Variants in MET observed in about 807,000 individuals in gnomAD.
MET encodes the protein hepatocyte growth factor receptor.
MET carries 48 observed loss-of-function variants against 133.1 expected under a neutral mutation model. That is an observed-to-expected ratio of 0.36 (90% CI 0.29 to 0.46). The LOEUF is 0.46. MET is among the 20% of genes least tolerant of loss of function. The pLI is 1.00. For missense variants in MET, 1,442 were observed against 1,695.9 expected, an observed-to-expected ratio of 0.85 and a Z score of 2.63; for synonymous variants, 628 against 616.5, an observed-to-expected ratio of 1.02 and a Z score of -0.28.
At chr7:116,790,824 C>T (rs1206941415) in intron 19 of MET, among the ~76,000 whole-genome samples, 1 of 152,198 alleles carries the variant, frequency 6.6e-6, no homozygotes, top group Non-Finnish European at 1.5e-5. Context: ...CGCCTGTAAT[C>T]CCAGCACTTT....
At chr7:116,690,282 G>GTATA (rs1796733756) in intron 1 of MET, among the ~76,000 whole-genome samples, 1 of 152,064 alleles carries the variant, frequency 6.6e-6, no homozygotes, top group Non-Finnish European at 1.5e-5. Flanking sequence ...CCCATGAGAT[G>GTATA]TATATCATTA....
chr7:116,730,699 T>C (rs891523396), intron 2 of MET, among the ~76,000 whole-genome samples: 2 of 152,114 alleles, frequency 1.3e-5, no homozygotes, highest in Admixed American at 1.3e-4. Context: ...GAATTGGAGA[T>C]GACACTTAGA....
intron 17 of MET, among the ~76,000 whole-genome samples, chr7:116,781,706 T>C (rs1795159136): frequency 6.6e-6 from 1 of 152,126 alleles, no homozygotes; most frequent in Non-Finnish European, 1.5e-5. Flanking sequence ...CAGCTGGGAC[T>C]ATAGGTGCAC....
At chr7:116,771,772 T>C in intron 13 of MET, 77 bp from the exon 14 acceptor site, 1 of 1,610,408 alleles carries the variant, frequency 6.2e-7, no homozygotes, top group Non-Finnish European at 8.5e-7. Flanking sequence ...ACCCATGAGT[T>C]CTGGGCACTG....
chr7:116,741,329 A>T (rs1793446633), intron 5 of MET, among the ~76,000 whole-genome samples: 1 of 152,100 alleles, frequency 6.6e-6, no homozygotes, highest in African/African-American at 2.4e-5. Flanking sequence ...CCGTGTGAAT[A>T]AAAGAGTGGT....
intron 2 of MET, among the ~76,000 whole-genome samples, chr7:116,726,169 A>ACACACACACAC (rs1562900114): frequency 6.5e-5 from 8 of 122,564 alleles, no homozygotes; most frequent in African/African-American, 9.2e-5. Context: ...ATATATATAT[A>ACACACACACAC]TATATATATG....
chr7:116,787,055 A>C (rs1562937647), intron 19 of MET, among the ~76,000 whole-genome samples: 1 of 152,178 alleles, frequency 6.6e-6, no homozygotes, highest in Admixed American at 6.5e-5. Flanking sequence ...TCAATGAGTA[A>C]GTAGGTCATA....
chr7:116,735,075 G>T lies in MET; in HGVS notation c.1392+3216G>T, dbSNP rs146334012. ...AGAGGGGGTGGGGAGGCCCTTTCAAGAATTGTTTCAAGTTCAGCTCCACAA... is the reference window on the plus strand; with the variant it reads ...AGAGGGGGTGGGGAGGCCCTTTCAATAATTGTTTCAAGTTCAGCTCCACAA... On this transcript the variant is annotated intron_variant, in intron 3 of 20. Coordinates refer to ENST00000397752, the MANE Select transcript of MET (RefSeq NM_000245.4). Among the ~76,000 whole-genome samples the T allele has an allele frequency of 3.2e-3, 481 of 152,272 alleles. 3 individuals are homozygous for T. The highest frequency in any genetic ancestry group is 0.011 in the African/African-American group (449 of 41,554).
At chr7:116,747,780 T>C (rs1160517226) in intron 5 of MET, among the ~76,000 whole-genome samples, 1 of 152,198 alleles carries the variant, frequency 6.6e-6, no homozygotes, top group African/African-American at 2.4e-5. Context: ...GCAGACCTAA[T>C]AGACATCTAC....
intron 2 of MET, among the ~76,000 whole-genome samples, chr7:116,705,258 T>C (rs370267876): frequency 2.6e-5 from 4 of 152,160 alleles, no homozygotes; most frequent in African/African-American, 9.6e-5. Flanking sequence ...AGGACCGTTA[T>C]TGATCTGTCA....
rs1243543318 is a variant in MET at position 116,796,124 on chromosome 7, G to A, written c.4173G>A (p.Ter1391=). The change falls in exon 21 of 21, where the codon TAG becomes TAA. Residue 1391 remains the stop codon, a stop_retained_variant. Coordinates refer to ENST00000397752, the MANE Select transcript of MET (RefSeq NM_000245.4). ...TRPASFWETS[*] The stretch of plus-strand genomic sequence containing the variant: ...CAGCCTCCTTCTGGGAGACATCATA[G>A]TGCTAGTACTATGTCAAAGCAACAG... 6.2e-7 allele frequency: 1 copy of A among 1,613,100 alleles called. No individual in the cohort carries two copies. Among genetic ancestry groups the A allele is most frequent in the Non-Finnish European group, 8.5e-7 (1 of 1,179,310 alleles).
At chr7:116,762,936 A>G in intron 10 of MET, 114 bp from the exon 11 acceptor site, 1 of 898,894 alleles carries the variant, frequency 1.1e-6, no homozygotes, top group South Asian at 1.4e-5. Flanking sequence ...AGTTAAATAC[A>G]GATTTTTTCA....
rs370237186 is a variant in MET at position 116,759,360 on chromosome 7, A to G, written c.2265-31A>G. On this transcript the variant is annotated intron_variant, in intron 9 of 20. Coordinates refer to ENST00000397752, the MANE Select transcript of MET (RefSeq NM_000245.4). Reference sequence around the variant, plus strand: ...AGTACTTGGTGGAAAGAACCTCTCAACATTGTCAGTTTTCTATTTTGCTTT... The same window carrying G: ...AGTACTTGGTGGAAAGAACCTCTCAGCATTGTCAGTTTTCTATTTTGCTTT... 2 of 1,605,966 alleles carry G rather than the reference A, an allele frequency of 1.2e-6. No individual in the cohort carries two copies. The highest frequency in any genetic ancestry group is 1.7e-6 in the Non-Finnish European group (2 of 1,175,832).
In MET at chr7:116,757,661, G is replaced by C. The variant is rs201180585; in HGVS notation, c.1989G>C (p.Ser663=). The C allele has an allele frequency of 6.2e-7, 1 of 1,613,778 alleles. No individual in the cohort carries two copies. The highest frequency in any genetic ancestry group is 2.2e-5 in the East Asian group (1 of 44,848). The part of the protein sequence containing the change: ...SYVDPVITSI[S]PKYGPMAGGT... ...AGGATCCTGTAATAACAAGTATTTC[G>C]CCGAAATACGGTCCTATGGCTGGTG... is the stretch of plus-strand genomic sequence containing the variant. The change falls in exon 8 of 21, where the codon TCG becomes TCC. Residue 663 remains serine, a synonymous_variant. Coordinates refer to ENST00000397752, the MANE Select transcript of MET (RefSeq NM_000245.4).
At position 116,769,593 on chromosome 7, in the gene MET, TC is replaced by T; in HGVS notation, c.2584-50del. The T allele has an allele frequency of 2.5e-6, 4 of 1,602,254 alleles. No homozygotes were observed. In the South Asian group the frequency reaches 4.4e-5, roughly 18 times the overall value. ...TATATTCCTTTGCCATTGTTAGCAT[TC>T]CTGCAGAACTGTGAAGTGTTAACAA... On this transcript the variant is annotated intron_variant, in intron 11 of 20. Transcript: ENST00000397752.
intron 2 of MET, among the ~76,000 whole-genome samples, chr7:116,720,446 C>T (rs902539970): frequency 1.4e-5 from 2 of 143,510 alleles, no homozygotes; most frequent in Non-Finnish European, 3.0e-5. Flanking sequence ...GACAATTTGA[C>T]TTCCACTTTT....
At chr7:116,758,361 G>A (rs1425173302) in intron 8 of MET, 98 bp from the exon 9 acceptor site, 4 of 1,276,540 alleles carry the variant, frequency 3.1e-6, no homozygotes, top group African/African-American at 3.0e-5. Flanking sequence ...TTCCCACTTA[G>A]GAACCATTGA....
In MET at chr7:116,795,934, C is replaced by T. The variant is rs755043272; in HGVS notation, c.3983C>T (p.Pro1328Leu). The change falls in exon 21 of 21, where the codon CCA becomes CTA. Residue 1328 changes from proline to leucine, a missense_variant. Transcript: ENST00000397752. ...KCWHPKAEMR[P>L]SFSELVSRIS... ...TGGCACCCTAAAGCCGAAATGCGCC[C>T]ATCCTTTTCTGAACTGGTGTCCCGG... 2.5e-6 allele frequency: 4 copies of T among 1,614,176 alleles called. No individual in the cohort carries two copies. In the South Asian group the frequency reaches 3.3e-5, roughly 13 times the overall value.
intron 11 of MET, among the ~76,000 whole-genome samples, chr7:116,769,255 C>A (rs1794746358): frequency 6.6e-6 from 1 of 152,192 alleles, no homozygotes; most frequent in South Asian, 2.1e-4. Flanking sequence ...AGAATCTCTG[C>A]ATTGGGCAGT....
Sources: allele counts gnomAD v4.1 joint callset (sites outside exome capture counted in the v4.1 genomes callset), GRCh38; gene constraint gnomAD v4.1.1; transcripts MANE v1.5; gene names NCBI Gene and HGNC (gene_info 2026-07-23, HGNC 2026-07-21).